Variants in CENPW observed in about 807,000 individuals in gnomAD.
CENPW encodes the protein centromere protein W.
In CENPW, 3 loss-of-function variants were observed where a neutral mutation model predicts 11.1. That is an observed-to-expected ratio of 0.27 (90% confidence interval 0.12 to 0.70). The LOEUF (loss-of-function observed/expected upper bound fraction) is 0.70. Among genes scored for constraint, CENPW ranks in the 30% least tolerant of loss-of-function variants. The pLI, the probability that CENPW is intolerant of heterozygous loss-of-function variation, is 0.77. For synonymous variants in CENPW, 38 were observed against 42.0 expected, an observed-to-expected ratio of 0.91 and a Z score of 0.37; for missense variants, 100 against 105.6, an observed-to-expected ratio of 0.95 and a Z score of 0.23.
chr6:126,379,209 A>C, the CENPW span, among the ~76,000 whole-genome samples: 1 of 152,334 alleles, frequency 6.6e-6, no homozygotes, highest in Admixed American at 6.5e-5. Context: ...TTATAGACAT[A>C]GTTTCTGCCT....
the CENPW span, among the ~76,000 whole-genome samples, chr6:126,390,569 TA>T: frequency 1.3e-5 from 2 of 151,834 alleles, no homozygotes; most frequent in Non-Finnish European, 2.9e-5. Context: ...TCATTCTTTC[TA>T]ATTTTTTTTG....
chr6:126,474,170 A>G, the CENPW span, among the ~76,000 whole-genome samples: 396 of 151,820 alleles, frequency 2.6e-3, 2 homozygotes, highest in African/African-American at 9.1e-3. Flanking sequence ...AGCTGACATT[A>G]TACTCAGCGG....
the CENPW span, among the ~76,000 whole-genome samples, chr6:126,365,261 A>G: frequency 0.22 from 33,795 of 152,144 alleles, 4,400 homozygotes; most frequent in Non-Finnish European, 0.3. Flanking sequence ...ATGAGTTGCA[A>G]TTAAACCACT....
At chr6:126,342,351 T>G (rs1248639677) in intron 1 of CENPW, among the ~76,000 whole-genome samples, 1 of 152,186 alleles carries the variant, frequency 6.6e-6, no homozygotes, top group African/African-American at 2.4e-5. Context: ...CAGTTTGTTT[T>G]GATCTGCTCT....
At chr6:126,363,274 G>A in the CENPW span, among the ~76,000 whole-genome samples, 1 of 152,180 alleles carries the variant, frequency 6.6e-6, no homozygotes, top group Non-Finnish European at 1.5e-5. Flanking sequence ...GCCCAGGTAT[G>A]TATGTTTGGC....
chr6:126,446,331 G>T, the CENPW span, among the ~76,000 whole-genome samples: 1 of 150,500 alleles, frequency 6.6e-6, no homozygotes, highest in Admixed American at 6.7e-5. Context: ...TATTCCCACA[G>T]CCAACTTCAA....
chr6:126,462,139 G>A, the CENPW span, among the ~76,000 whole-genome samples: 26 of 152,000 alleles, frequency 1.7e-4, no homozygotes, highest in South Asian at 5.4e-3. Context: ...GAGCAGGAAG[G>A]ACATCTTTCT....
At chr6:126,419,458 T>TA in the CENPW span, among the ~76,000 whole-genome samples, 1 of 152,072 alleles carries the variant, frequency 6.6e-6, no homozygotes, top group Non-Finnish European at 1.5e-5. Context: ...ACAGTGAGTA[T>TA]AAAAAAACAA....
chr6:126,473,052 T>C, the CENPW span, among the ~76,000 whole-genome samples: 1 of 152,344 alleles, frequency 6.6e-6, no homozygotes, highest in East Asian at 1.9e-4. Context: ...CATTATGCAT[T>C]AGAGATTTCT....
At chr6:126,390,030 G>C in the CENPW span, among the ~76,000 whole-genome samples, 1 of 151,812 alleles carries the variant, frequency 6.6e-6, no homozygotes, top group African/African-American at 2.4e-5. Context: ...TCATTTTTTA[G>C]AATTCATAGG....
At chr6:126,454,921 C>T in the CENPW span, among the ~76,000 whole-genome samples, 1 of 150,774 alleles carries the variant, frequency 6.6e-6, no homozygotes, top group Non-Finnish European at 1.5e-5. Flanking sequence ...AAAAAAAACC[C>T]CTCAAAAGTA....
At chr6:126,458,586 C>T in the CENPW span, among the ~76,000 whole-genome samples, 1 of 151,104 alleles carries the variant, frequency 6.6e-6, no homozygotes, top group Non-Finnish European at 1.5e-5. Flanking sequence ...TGTTTGTGTA[C>T]TGAGGAAGAA....
At chr6:126,450,381 A>G in the CENPW span, among the ~76,000 whole-genome samples, 3 of 151,140 alleles carry the variant, frequency 2.0e-5, no homozygotes, top group East Asian at 3.9e-4. Flanking sequence ...CTGGTGAGAA[A>G]CACTGAATTA....
chr6:126,431,836 G>T, the CENPW span, among the ~76,000 whole-genome samples: 2 of 151,988 alleles, frequency 1.3e-5, no homozygotes, highest in Non-Finnish European at 2.9e-5. Flanking sequence ...GGAGGCTGAG[G>T]TGGGCAGATC....
At chr6:126,474,734 C>T in the CENPW span, among the ~76,000 whole-genome samples, 1 of 152,156 alleles carries the variant, frequency 6.6e-6, no homozygotes, top group South Asian at 2.1e-4. Context: ...TCCTCTTATT[C>T]ACTGGTTTTA....
At chr6:126,375,877 T>C in the CENPW span, among the ~76,000 whole-genome samples, 1 of 152,204 alleles carries the variant, frequency 6.6e-6, no homozygotes, top group Non-Finnish European at 1.5e-5. Context: ...AGGAGGCATA[T>C]GAAGAGGCTA....
chr6:126,456,656 G>C, the CENPW span, among the ~76,000 whole-genome samples: 1 of 151,632 alleles, frequency 6.6e-6, no homozygotes, highest in South Asian at 2.1e-4. Flanking sequence ...AAGATTTCAT[G>C]ATGAAGACAC....
chr6:126,408,432 C>A, the CENPW span, among the ~76,000 whole-genome samples: 1 of 152,116 alleles, frequency 6.6e-6, no homozygotes, highest in Non-Finnish European at 1.5e-5. Flanking sequence ...GACTTATTCA[C>A]TATCACGAGA....
chr6:126,475,822 A>G, the CENPW span, among the ~76,000 whole-genome samples: 1 of 152,046 alleles, frequency 6.6e-6, no homozygotes, highest in Non-Finnish European at 1.5e-5. Context: ...TTGCTTATGC[A>G]TTCTTCAGTT....
Sources: allele counts gnomAD v4.1 joint callset (sites outside exome capture counted in the v4.1 genomes callset), GRCh38; gene constraint gnomAD v4.1.1; transcripts MANE v1.5; gene names NCBI Gene and HGNC (gene_info 2026-07-23, HGNC 2026-07-21).